Variants in MCOLN2 observed in about 807,000 individuals in gnomAD.
MCOLN2 encodes mucolipin-2.
A neutral mutation model predicts 67.5 loss-of-function variants in MCOLN2; 57 were observed. The ratio of observed to expected loss-of-function variants is 0.84; its 90% CI spans 0.68 to 1.05. The LOEUF (loss-of-function observed/expected upper bound fraction) is 1.05. Among genes scored for constraint, MCOLN2 ranks in the 50% least tolerant of loss-of-function variants. MCOLN2 has a pLI of 0.00. For synonymous variants in MCOLN2, 246 were observed against 233.3 expected (o/e 1.05, Z -0.50); for missense variants, 620 against 678.8 (o/e 0.91, Z 0.96).
chr1:84,969,238 G>C (rs985082288), intron 1 of MCOLN2, among the ~76,000 whole-genome samples: 1 of 152,156 alleles, frequency 6.6e-6, no homozygotes, highest in African/African-American at 2.4e-5. Context: ...ACCCAAAGAG[G>C]GAGTCATGGG....
At chr1:84,966,035 T>C (rs866273028) in intron 1 of MCOLN2, among the ~76,000 whole-genome samples, 1 of 151,960 alleles carries the variant, frequency 6.6e-6, no homozygotes, top group Non-Finnish European at 1.5e-5. Context: ...GGTGGATCAT[T>C]TGAGGTCATG....
At chr1:84,948,517 C>G (rs1390099702) in intron 6 of MCOLN2, among the ~76,000 whole-genome samples, 2 of 152,056 alleles carry the variant, frequency 1.3e-5, no homozygotes, top group Non-Finnish European at 2.9e-5. Flanking sequence ...AATGTAGGGA[C>G]ACAAGAAACA....
intron 4 of MCOLN2, among the ~76,000 whole-genome samples, chr1:84,954,188 A>AAAATTAGAT (rs1214005116): frequency 6.6e-6 from 1 of 152,224 alleles, no homozygotes; most frequent in Non-Finnish European, 1.5e-5. Flanking sequence ...ACGTTTAATG[A>AAAATTAGAT]AAATTAGATG....
At chr1:84,942,935 C>A (rs890934011) in intron 7 of MCOLN2, among the ~76,000 whole-genome samples, 4 of 152,104 alleles carry the variant, frequency 2.6e-5, no homozygotes. Context: ...AGAAGTGGGG[C>A]TCCGACTTTG....
intron 1 of MCOLN2, among the ~76,000 whole-genome samples, chr1:84,993,099 T>C (rs1045156505): frequency 6.6e-6 from 1 of 152,266 alleles, no homozygotes; most frequent in Non-Finnish European, 1.5e-5. Flanking sequence ...TTACGGAATA[T>C]GCTAAATTAT....
At position 84,995,283 on chromosome 1, in the gene MCOLN2, T is replaced by C. The variant is rs201225318; in HGVS notation, c.77+1513A>G. ...CATGCTGTTGGAAAAATGGCACCAATAGACTTGCTGGACACAGGGTTGCCA... is the reference window on the plus strand; with the variant it reads ...CATGCTGTTGGAAAAATGGCACCAACAGACTTGCTGGACACAGGGTTGCCA... On this transcript the variant is annotated intron_variant, in intron 1 of 13. Transcript: ENST00000370608. Among the ~76,000 whole-genome samples the C allele has an allele frequency of 9.9e-5, 15 of 152,216 alleles. No individual in the cohort carries two copies. The East Asian group carries it at 2.9e-3, about 29-fold the overall frequency.
intron 2 of MCOLN2, among the ~76,000 whole-genome samples, 194 bp downstream of exon 2, chr1:84,965,355 C>T (rs1649324021): frequency 6.6e-6 from 1 of 152,198 alleles, no homozygotes; most frequent in Non-Finnish European, 1.5e-5. Context: ...GAGAGGCCCT[C>T]AGGATCTCTT....
chr1:84,965,173 A>G (rs1178911832), intron 2 of MCOLN2, among the ~76,000 whole-genome samples: 2 of 152,214 alleles, frequency 1.3e-5, no homozygotes, highest in Non-Finnish European at 2.9e-5. Flanking sequence ...TGTTATGATA[A>G]AAGGAAAACT....
chr1:84,957,300 T>G (rs545207036), intron 3 of MCOLN2, among the ~76,000 whole-genome samples: 6 of 152,284 alleles, frequency 3.9e-5, no homozygotes, highest in South Asian at 2.1e-4. Context: ...ATGACTAACA[T>G]GAACCAACAT....
At chr1:84,976,634 C>T (rs1290546993) in intron 1 of MCOLN2, among the ~76,000 whole-genome samples, 5 of 152,072 alleles carry the variant, frequency 3.3e-5, no homozygotes, top group East Asian at 3.9e-4. Flanking sequence ...GGCATGGTGG[C>T]GCAGGCCTGT....
At chr1:84,994,997 T>C (rs1651078005) in intron 1 of MCOLN2, among the ~76,000 whole-genome samples, 1 of 152,136 alleles carries the variant, frequency 6.6e-6, no homozygotes, top group Admixed American at 6.5e-5. Flanking sequence ...TATTGTGGTG[T>C]CTCAGGGAAT....
Position 84,926,544 on chromosome 1 carries a change from G to T in MCOLN2, c.*141C>A. On this transcript the variant is annotated 3_prime_UTR_variant, in exon 14 of 14. Transcript: ENST00000370608. Reference sequence around the variant, plus strand: ...AAAGCTGGAACTTCAGTCATGGTCAGCTGGCTAACTGTGAGTCCTCTTTCC... The same window carrying T: ...AAAGCTGGAACTTCAGTCATGGTCATCTGGCTAACTGTGAGTCCTCTTTCC... 4.1e-6 allele frequency: 2 copies of T among 493,454 alleles called. No individual in the cohort carries two copies. The highest frequency in any genetic ancestry group is 2.0e-5 in the African/African-American group (1 of 50,884). The allele number at this position is 493,454 out of a possible 1,614,324, so 30.6% of individuals were successfully genotyped here.
intron 1 of MCOLN2, among the ~76,000 whole-genome samples, chr1:84,969,188 T>C (rs549370805): frequency 1.3e-5 from 2 of 152,258 alleles, no homozygotes; most frequent in South Asian, 4.1e-4. Context: ...AGTAAATGTG[T>C]TTCCCTGAGT....
At chr1:84,993,451 C>T (rs533535829) in intron 1 of MCOLN2, among the ~76,000 whole-genome samples, 20 of 152,326 alleles carry the variant, frequency 1.3e-4, no homozygotes, top group African/African-American at 4.3e-4. Context: ...TTCTTCCAAA[C>T]TCCTGTTAAT....
At position 84,958,711 on chromosome 1, in the gene MCOLN2, T is replaced by C; in HGVS notation, c.238-9A>G. 6.4e-7 allele frequency: 1 copy of C among 1,557,734 alleles called. No individual in the cohort carries two copies. The highest frequency in any genetic ancestry group is 1.8e-4 in the Middle Eastern group (1 of 5,440). On this transcript the variant is annotated splice_polypyrimidine_tract_variant and intron_variant, in intron 2 of 13. Coordinates refer to ENST00000370608, the MANE Select transcript of MCOLN2 (RefSeq NM_153259.4). ...AAACCAAAACGAACAAGCTAAAAAATAAAATAAAATAGAAACACATGAATT... is the reference window on the plus strand; with the variant it reads ...AAACCAAAACGAACAAGCTAAAAAACAAAATAAAATAGAAACACATGAATT...
intron 1 of MCOLN2, among the ~76,000 whole-genome samples, chr1:84,970,868 A>G (rs1046175155): frequency 3.9e-5 from 6 of 152,200 alleles, no homozygotes; most frequent in Non-Finnish European, 7.3e-5. Flanking sequence ...TTGCTTCAAG[A>G]GGCTTCAAAT....
At chr1:84,989,514 T>C (rs147465266) in intron 1 of MCOLN2, among the ~76,000 whole-genome samples, 2 of 152,216 alleles carry the variant, frequency 1.3e-5, no homozygotes, top group African/African-American at 4.8e-5. Flanking sequence ...TAATTTGCTA[T>C]CCATTTGGGA....
At chr1:84,944,574 C>A (rs1026912676) in intron 7 of MCOLN2, among the ~76,000 whole-genome samples, 1 of 151,978 alleles carries the variant, frequency 6.6e-6, no homozygotes, top group African/African-American at 2.4e-5. Context: ...TCTATATCAC[C>A]CATCACTGGG....
intron 6 of MCOLN2, among the ~76,000 whole-genome samples, chr1:84,947,650 CG>C (rs1648188739): frequency 6.6e-6 from 1 of 152,190 alleles, no homozygotes; most frequent in Non-Finnish European, 1.5e-5. Context: ...GGAGAGGTGC[CG>C]GGAGTTCATA....
Sources: gnomAD v4.1 joint callset for allele counts (sites outside exome capture counted in the v4.1 genomes callset) on GRCh38, gnomAD v4.1.1 for gene constraint, MANE v1.5 for transcripts, NCBI Gene and HGNC (gene_info 2026-07-23, HGNC 2026-07-21) for gene names.